Variants in ZNF566 observed in about 807,000 individuals in gnomAD.
ZNF566 encodes zinc finger protein 566.
In ZNF566, 27 loss-of-function variants were observed where a neutral mutation model predicts 32.8. The ratio of observed to expected loss-of-function variants is 0.82; its 90% CI spans 0.61 to 1.14. The LOEUF (loss-of-function observed/expected upper bound fraction) is 1.14, where lower values mean the gene tolerates loss of function less well. Among genes scored for constraint, ZNF566 ranks in the 50% most tolerant of loss-of-function variants. ZNF566 has a pLI of 0.00. For missense variants in ZNF566, 402 were observed against 490.4 expected, an observed-to-expected ratio of 0.82 and a Z score of 1.70; for synonymous variants, 154 against 159.5, an observed-to-expected ratio of 0.97 and a Z score of 0.26.
chr19:36,475,095 A>G (rs2033851965), intron 2 of ZNF566, among the ~76,000 whole-genome samples: 1 of 152,136 alleles, frequency 6.6e-6, no homozygotes, highest in Non-Finnish European at 1.5e-5. Context: ...ACCCAGGCCA[A>G]AGTGCAGTGG....
In ZNF566 at chr19:36,449,054, G is replaced by A. The variant is rs372001996; in HGVS notation, c.1180C>T (p.Pro394Ser). The change falls in exon 5 of 5, where the codon CCC (proline) becomes TCC (serine). Residue 394 changes from proline to serine, a missense_variant. Pro to Ser is a moderately conservative substitution (Grantham distance 74). Transcript: ENST00000452939. ...TTTCCACATTCCCTATATTCATAGG[G>A]TTTCTCACTAGTATGAATTCTATGA... ...SHHRIHTSEKPYEYRECGKNF... is the reference protein window; with the variant it reads ...SHHRIHTSEKSYEYRECGKNF... The A allele has an allele frequency of 6.2e-6, 10 of 1,613,326 alleles. No individual in the cohort carries two copies. The African/African-American group carries it at 9.3e-5, about 15-fold the overall frequency.
intron 4 of ZNF566, among the ~76,000 whole-genome samples, chr19:36,469,581 G>T (rs1460622911): frequency 1.3e-5 from 2 of 152,044 alleles, no homozygotes; most frequent in African/African-American, 4.8e-5. Flanking sequence ...GCGACAATAG[G>T]GGTAGATTAG....
At chr19:36,488,897 C>T (rs2034238613) in intron 1 of ZNF566, among the ~76,000 whole-genome samples, 1 of 152,170 alleles carries the variant, frequency 6.6e-6, no homozygotes, top group African/African-American at 2.4e-5. Flanking sequence ...TGATCACACT[C>T]CCACCATGGG....
intron 2 of ZNF566, among the ~76,000 whole-genome samples, chr19:36,475,418 AG>A (rs1403203517): frequency 1.3e-5 from 2 of 152,124 alleles, no homozygotes; most frequent in Non-Finnish European, 2.9e-5. Flanking sequence ...CAAACATAAA[AG>A]GCTCGTTAAC....
intron 4 of ZNF566, among the ~76,000 whole-genome samples, chr19:36,455,787 T>C (rs1386362957): frequency 1.4e-4 from 21 of 150,672 alleles, no homozygotes; most frequent in Admixed American, 1.4e-3. Flanking sequence ...ATGCCTGTAA[T>C]CCCAGCACTT....
intron 4 of ZNF566, among the ~76,000 whole-genome samples, chr19:36,461,161 T>G (rs1191081432): frequency 6.6e-6 from 1 of 152,192 alleles, no homozygotes; most frequent in Non-Finnish European, 1.5e-5. Flanking sequence ...GAAGGTCCAG[T>G]GCTGCTTTCC....
intron 4 of ZNF566, among the ~76,000 whole-genome samples, chr19:36,467,434 CAAA>C (rs34170364): frequency 1.0e-4 from 8 of 77,520 alleles, no homozygotes; most frequent in Admixed American, 3.1e-4. Context: ...GGCTCTGTCT[CAAA>C]AAAAAAAAAA....
At chr19:36,478,745 C>T (rs1299649973) in intron 1 of ZNF566, among the ~76,000 whole-genome samples, 3 of 152,092 alleles carry the variant, frequency 2.0e-5, no homozygotes, top group African/African-American at 7.2e-5. Context: ...AGGCGTCTTG[C>T]TGGGTATGCC....
rs930617526 is a variant in ZNF566, at chr19:36,449,821, T to G, written c.413A>C (p.His138Pro). The G allele has an allele frequency of 3.1e-6, 5 of 1,614,178 alleles. No individual in the cohort carries two copies. The East Asian group carries it at 1.1e-4, about 36-fold the overall frequency. Reference sequence around the variant, plus strand: ...ATGAGTGAATACCAATTGATTGAAATGTCCCCCCTGAGAGCCGAGTTCTTT... The same window carrying G: ...ATGAGTGAATACCAATTGATTGAAAGGTCCCCCCTGAGAGCCGAGTTCTTT... ...FKKELGSQGGHFNQLVFTHED... is the reference protein window; with the variant it reads ...FKKELGSQGGPFNQLVFTHED... The change falls in exon 5 of 5, where the codon CAT (histidine) becomes CCT (proline). Residue 138 changes from histidine to proline, a missense_variant. His to Pro is a moderately conservative substitution (Grantham distance 77). Coordinates refer to ENST00000452939, the MANE Select transcript of ZNF566 (RefSeq NM_001145344.1).
intron 1 of ZNF566, among the ~76,000 whole-genome samples, chr19:36,481,210 C>T (rs1337528450): frequency 1.3e-5 from 2 of 152,066 alleles, no homozygotes; most frequent in Non-Finnish European, 2.9e-5. Context: ...GGGGCTCATA[C>T]CTGTAATCTC....
At chr19:36,467,126 T>C (rs1381713770) in intron 4 of ZNF566, among the ~76,000 whole-genome samples, 5 of 150,200 alleles carry the variant, frequency 3.3e-5, no homozygotes, top group Admixed American at 1.3e-4. Flanking sequence ...GGCAAAAGAT[T>C]TGAGCAGGCA....
chr19:36,450,806 A>G (rs562975171), intron 4 of ZNF566, among the ~76,000 whole-genome samples: 2 of 152,306 alleles, frequency 1.3e-5, no homozygotes, highest in South Asian at 4.1e-4. Flanking sequence ...TATTAGCCAT[A>G]CTTGTTACGT....
chr19:36,485,593 C>T (rs1290567838), intron 1 of ZNF566, among the ~76,000 whole-genome samples: 2 of 151,788 alleles, frequency 1.3e-5, no homozygotes, highest in African/African-American at 4.8e-5. Context: ...GAAACCCCAT[C>T]TCTACTAAAA....
At chr19:36,460,521 G>T (rs140444844) in intron 4 of ZNF566, among the ~76,000 whole-genome samples, 1 of 142,214 alleles carries the variant, frequency 7.0e-6, no homozygotes, top group Non-Finnish European at 1.5e-5. Flanking sequence ...GAATAGCAGC[G>T]AAAAAAAGAT....
At chr19:36,467,811 A>G (rs1246935044) in intron 4 of ZNF566, among the ~76,000 whole-genome samples, 5 of 89,694 alleles carry the variant, frequency 5.6e-5, no homozygotes, top group Non-Finnish European at 1.0e-4. Context: ...AAAAAAAAAA[A>G]AAAAAAAAAA....
intron 4 of ZNF566, among the ~76,000 whole-genome samples, chr19:36,457,676 G>C (rs1306546177): frequency 6.6e-6 from 1 of 152,158 alleles, no homozygotes; most frequent in African/African-American, 2.4e-5. Context: ...TGGATCACTT[G>C]AGGTCAGGAG....
At position 36,473,323 on chromosome 19, in the gene ZNF566, T is replaced by C. The variant is rs773681521; in HGVS notation, c.136+9A>G. On this transcript the variant is annotated intron_variant, in intron 3 of 4. Coordinates refer to ENST00000452939, the MANE Select transcript of ZNF566 (RefSeq NM_001145344.1). ...CAGAATCTAAATTACTATGGACAGATGTCCTTACCCATTGAAACCAGGTTG... is the reference window on the plus strand; with the variant it reads ...CAGAATCTAAATTACTATGGACAGACGTCCTTACCCATTGAAACCAGGTTG... 2 of 1,613,924 alleles carry C rather than the reference T, an allele frequency of 1.2e-6. No homozygotes were observed.
intron 4 of ZNF566, among the ~76,000 whole-genome samples, chr19:36,467,354 G>C (rs2033640096): frequency 6.8e-6 from 1 of 147,760 alleles, no homozygotes; most frequent in African/African-American, 2.5e-5. Flanking sequence ...AGAACCACTT[G>C]AACCTGAGAG....
chr19:36,473,318 A>G lies in ZNF566; in HGVS notation c.136+14T>C. ...AAGGGCAGAATCTAAATTACTATGG[A>G]CAGATGTCCTTACCCATTGAAACCA... On this transcript the variant is annotated intron_variant, in intron 3 of 4. Transcript: ENST00000452939. The G allele has an allele frequency of 6.2e-7, 1 of 1,613,942 alleles. No individual in the cohort carries two copies. Among genetic ancestry groups the G allele is most frequent in the Non-Finnish European group, 8.5e-7 (1 of 1,179,940 alleles).
Sources: allele counts gnomAD v4.1 joint callset (sites outside exome capture counted in the v4.1 genomes callset), GRCh38; gene constraint gnomAD v4.1.1; transcripts MANE v1.5; gene names NCBI Gene and HGNC (gene_info 2026-07-23, HGNC 2026-07-21).